MYH7B: variants seen among roughly 807,000 people sequenced by gnomAD.
The protein encoded by MYH7B is myosin-7B.
MYH7B carries 205 observed loss-of-function variants against 234.5 expected under a neutral mutation model. The ratio of observed to expected loss-of-function variants is 0.87; its 90% CI spans 0.78 to 0.98. The LOEUF (loss-of-function observed/expected upper bound fraction) is 0.98. Ranked by LOEUF, MYH7B falls within the 50% of genes least tolerant of loss-of-function variation. The pLI, the probability that MYH7B is intolerant of heterozygous loss-of-function variation, is 0.00. For missense variants in MYH7B, 2,652 were observed against 2,633.4 expected (o/e 1.01, Z -0.15); for synonymous variants, 1,193 against 1,105.0 (o/e 1.08, Z -1.58).
At chr20:35,000,297 A>G (rs1486138029) in exon 39 of MYH7B, 3 of 1,573,436 alleles carry the variant, frequency 1.9e-6, no homozygotes, top group Non-Finnish European at 2.6e-6. Flanking sequence ...CCATAGGCGC[A>G]ACCACCAGCG....
intron 2 of MYH7B, among the ~76,000 whole-genome samples, chr20:34,961,713 T>C (rs1303904159): frequency 6.6e-6 from 1 of 152,242 alleles, no homozygotes; most frequent in African/African-American, 2.4e-5. Flanking sequence ...GATTTGCCTT[T>C]TCTGAATATT....
intron 2 of MYH7B, among the ~76,000 whole-genome samples, chr20:34,963,084 C>T (rs373939077): frequency 6.7e-4 from 102 of 152,244 alleles, no homozygotes; most frequent in African/African-American, 1.2e-3. Flanking sequence ...GGTGACAGAG[C>T]GAGACTCCGT....
exon 38 of MYH7B, chr20:34,999,871 G>C (rs769407054): frequency 1.2e-6 from 2 of 1,613,722 alleles, no homozygotes; most frequent in South Asian, 2.2e-5. Flanking sequence ...TGGACCGGAA[G>C]CTGGCAGAGA....
chr20:34,997,272 G>A, exon 32 of MYH7B: 1 of 1,558,230 alleles, frequency 6.4e-7, no homozygotes, highest in African/African-American at 1.4e-5. Flanking sequence ...GGAGCTGGAA[G>A]AGGAGCTGGA....
exon 19 of MYH7B, chr20:34,988,175 G>A (rs780147280): frequency 2.5e-6 from 4 of 1,614,114 alleles, no homozygotes; most frequent in Admixed American, 1.7e-5. Flanking sequence ...TTGTGCTGGA[G>A]CAGGAGGAGT....
chr20:35,002,196 A>AC, exon 45 of MYH7B: 3 of 1,523,228 alleles, frequency 2.0e-6, no homozygotes, highest in East Asian at 2.3e-5. Flanking sequence ...TGACGGCCTG[A>AC]CCCCCTGGGC....
At position 34,999,135 on chromosome 20, in the gene MYH7B, G is replaced by A. The variant is rs1463780452; in HGVS notation, c.4270G>A (p.Ala1424Thr). ...CGCCAAGTGCTCATCGTTGGAGAAG[G>A]CCAAGCTGCGGCTACAGACAGAGTC... is the stretch of plus-strand genomic sequence containing the variant. Residue 1424 changes from alanine to threonine, a missense_variant, in exon 36 of 45, where the codon GCC (alanine) becomes ACC (threonine). Coordinates refer to ENST00000262873, the Ensembl canonical transcript of MYH7B. 5.6e-6 allele frequency: 9 copies of A among 1,613,724 alleles called. No homozygotes were observed. In the East Asian group the frequency reaches 6.7e-5, roughly 12 times the overall value.
Position 34,991,153 on chromosome 20 carries a change from C to T in MYH7B, c.2183+32C>T, listed in dbSNP as rs78233192. On this transcript the variant is annotated intron_variant, in intron 24 of 44. Coordinates refer to ENST00000262873, the Ensembl canonical transcript of MYH7B. ...GACCCCTTCCCCCTGCCTGCTGCTCCAGGTGGAGGCCTGAGGGGCTGGGCA... is the reference window on the plus strand; with the variant it reads ...GACCCCTTCCCCCTGCCTGCTGCTCTAGGTGGAGGCCTGAGGGGCTGGGCA... The T allele has an allele frequency of 6.7e-4, 1,006 of 1,491,628 alleles. 13 individuals carry two copies. The East Asian group carries it at 0.02, about 30-fold the overall frequency. The allele number at this position is 1,491,628 out of a possible 1,614,324, so 92.4% of individuals were successfully genotyped here. A position where few individuals can be genotyped will look rare whatever the true frequency, so the allele number is the denominator to read the frequency against.
At chr20:34,963,080 A>G (rs2081713069) in intron 2 of MYH7B, among the ~76,000 whole-genome samples, 1 of 152,290 alleles carries the variant, frequency 6.6e-6, no homozygotes, top group South Asian at 2.1e-4. Context: ...CCTGGGTGAC[A>G]GAGCGAGACT....
chr20:35,000,657 GCCA>G, exon 39 of MYH7B: 4 of 1,583,942 alleles, frequency 2.5e-6, no homozygotes, highest in East Asian at 2.3e-5. Context: ...GCTTTTGGAG[GCCA>G]CCGAGCGCCT....
chr20:34,996,482 T>C (rs1409438349), exon 29 of MYH7B: 3 of 1,612,582 alleles, frequency 1.9e-6, no homozygotes, highest in East Asian at 2.2e-5. Context: ...GTGAGCGCGC[T>C]GACCAAGGCC....
chr20:34,956,576 A>T (rs930214935), intron 1 of MYH7B, among the ~76,000 whole-genome samples: 1 of 152,186 alleles, frequency 6.6e-6, no homozygotes, highest in African/African-American at 2.4e-5. Context: ...TAGGGAATTA[A>T]CCATAAATAA....
At chr20:34,998,614 AGAG>A in exon 34 of MYH7B, 6 of 1,613,212 alleles carry the variant, frequency 3.7e-6, no homozygotes, top group Non-Finnish European at 5.1e-6. Context: ...GGCGCCAGCT[AGAG>A]GAGGAAAGCA....
At chr20:34,995,041 G>C (rs6060146) in intron 27 of MYH7B, among the ~76,000 whole-genome samples, 6 of 152,294 alleles carry the variant, frequency 3.9e-5, no homozygotes, top group African/African-American at 1.4e-4. Flanking sequence ...CCTGCCCCTC[G>C]GAAGGCCTCA....
chr20:34,997,307 C>G, exon 32 of MYH7B: 1 of 1,552,984 alleles, frequency 6.4e-7, no homozygotes, highest in Non-Finnish European at 8.7e-7. Context: ...CCCGGGCCCG[C>G]GTGGAGAAGC....
Position 35,000,213 on chromosome 20 carries a change from C to A in MYH7B, c.4782-80C>A. 3 of 1,473,856 alleles carry A rather than the reference C, an allele frequency of 2.0e-6. No homozygotes were observed. The Admixed American group carries it at 6.7e-5, about 33-fold the overall frequency. The allele number at this position is 1,473,856 out of a possible 1,614,324, so 91.3% of individuals were successfully genotyped here. On this transcript the variant is annotated intron_variant, in intron 38 of 44. Transcript: ENST00000262873. ...GACTCATTTGTTCTCAAAATGGGTT[C>A]GTTTCCAACGGTCCTTGGGCATTTG...
Position 34,998,750 on chromosome 20 carries a change from C to G in MYH7B, c.4025C>G (p.Ala1342Gly), listed in dbSNP as rs777003589. 2 of 1,612,486 alleles carry G rather than the reference C, an allele frequency of 1.2e-6. No homozygotes were observed. Among genetic ancestry groups the G allele is most frequent in the South Asian group, 2.2e-5 (2 of 91,016 alleles). Residue 1342 changes from alanine to glycine, a missense_variant, in exon 35 of 45, where the codon GCT becomes GGT. Ala to Gly is a moderately conservative substitution (Grantham distance 60, BLOSUM62 0). Coordinates refer to ENST00000262873, the Ensembl canonical transcript of MYH7B. Reference sequence around the variant, plus strand: ...AGTGCCCTGGCCCACGCCGTGCAGGCTCTGCGGCACGACTGTGACCTCCTG... The same window carrying G: ...AGTGCCCTGGCCCACGCCGTGCAGGGTCTGCGGCACGACTGTGACCTCCTG...
At chr20:35,002,369 C>A (rs556456775) in exon 45 of MYH7B, 3 of 629,470 alleles carry the variant, frequency 4.8e-6, no homozygotes, top group Admixed American at 7.0e-5. Context: ...GGAGGAAAAA[C>A]ACAGTCCTAG....
chr20:34,990,809 C>G, exon 23 of MYH7B: 1 of 1,614,172 alleles, frequency 6.2e-7, no homozygotes, highest in Non-Finnish European at 8.5e-7. Flanking sequence ...TTGTCCCCAA[C>G]GAGAACAAAA....
Sources: gnomAD v4.1 joint callset for allele counts (sites outside exome capture counted in the v4.1 genomes callset) on GRCh38, gnomAD v4.1.1 for gene constraint, MANE v1.5 for transcripts, NCBI Gene and HGNC (gene_info 2026-07-23, HGNC 2026-07-21) for gene names.